STARD9: variants seen among roughly 807,000 people sequenced by gnomAD.
STARD9 encodes stAR-related lipid transfer protein 9.
STARD9 carries 346 observed loss-of-function variants against 399.8 expected under a neutral mutation model. The ratio of observed to expected loss-of-function variants is 0.87; its 90% CI spans 0.79 to 0.95. The LOEUF is 0.95. Ranked by LOEUF, STARD9 falls within the 40% of genes least tolerant of loss-of-function variation. STARD9 has a pLI of 0.00. For missense variants in STARD9, 5,832 were observed against 5,667.5 expected (o/e 1.03, Z -0.93); for synonymous variants, 2,203 against 2,143.5 (o/e 1.03, Z -0.77).
intron 9 of STARD9, among the ~76,000 whole-genome samples, chr15:42,659,060 C>T (rs1279093222): frequency 6.6e-6 from 1 of 152,072 alleles, no homozygotes; most frequent in East Asian, 1.9e-4. Flanking sequence ...TTGCAGTGAG[C>T]CAAGATCGTG....
chr15:42,708,357 C>T (rs983944946), intron 26 of STARD9, among the ~76,000 whole-genome samples: 2 of 152,268 alleles, frequency 1.3e-5, no homozygotes, highest in South Asian at 2.1e-4. Flanking sequence ...AAAGTTTTAC[C>T]GGAATACAGT....
intron 3 of STARD9, among the ~76,000 whole-genome samples, chr15:42,600,556 G>A (rs1051864169): frequency 2.1e-5 from 3 of 145,304 alleles, no homozygotes; most frequent in Admixed American, 7.1e-5. Context: ...ACCAAGTTTC[G>A]CTCTTGTTGC....
intron 15 of STARD9, among the ~76,000 whole-genome samples, chr15:42,667,581 A>G (rs771942133): frequency 5.9e-5 from 9 of 151,828 alleles, no homozygotes; most frequent in Non-Finnish European, 7.4e-5. Flanking sequence ...TGCTGGGTTC[A>G]AGCAATTCTC....
At chr15:42,679,327 C>G (rs946801765) in intron 20 of STARD9, among the ~76,000 whole-genome samples, 1 of 152,204 alleles carries the variant, frequency 6.6e-6, no homozygotes, top group Non-Finnish European at 1.5e-5. Flanking sequence ...CAGTTGCTAT[C>G]CTGAGCCTCC....
At position 42,688,886 on chromosome 15, in the gene STARD9, C is replaced by A. The variant is rs555880240; in HGVS notation, c.7308C>A (p.Ile2436=). ...ESIPLGTEDR[I]SASTSPQDHG... ...TTCCTCTGGGGACAGAGGACAGGAT[C>A]TCAGCAAGCACCAGCCCCCAAGACC... The change falls in exon 23 of 33, where the codon ATC becomes ATA. Residue 2436 remains isoleucine, a synonymous_variant. Coordinates refer to ENST00000290607, the MANE Select transcript of STARD9 (RefSeq NM_020759.3). The A allele has an allele frequency of 2.5e-5, 39 of 1,537,314 alleles. No individual in the cohort carries two copies. In the African/African-American group the frequency reaches 4.0e-4, roughly 16 times the overall value.
intron 3 of STARD9, among the ~76,000 whole-genome samples, chr15:42,631,807 C>A (rs1410173868): frequency 6.6e-6 from 1 of 151,724 alleles, no homozygotes; most frequent in Non-Finnish European, 1.5e-5. Context: ...CTTAACCCAC[C>A]TTTCAGGAAG....
At position 42,665,840 on chromosome 15, in the gene STARD9, G is replaced by A. The variant is rs2060090424; in HGVS notation, c.1309G>A (p.Glu437Lys). Reference protein sequence around the residue: ...ENLKELVLQNELKIDQLTKDW... With the variant: ...ENLKELVLQNKLKIDQLTKDW... ...CCTGAAGGAGCTGGTTCTCCAAAATGAATTGAAGGTGGGTGTGTTGGGTGG... is the reference window on the plus strand; with the variant it reads ...CCTGAAGGAGCTGGTTCTCCAAAATAAATTGAAGGTGGGTGTGTTGGGTGG... Residue 437 changes from glutamate to lysine, a missense_variant, in exon 15 of 33, where the codon GAA becomes AAA. Transcript: ENST00000290607. 5.2e-6 allele frequency: 8 copies of A among 1,537,150 alleles called. No individual in the cohort carries two copies. Among genetic ancestry groups the A allele is most frequent in the South Asian group, 1.2e-5 (1 of 84,058 alleles).
chr15:42,665,366 G>A (rs2060076709), intron 14 of STARD9, 36 bp downstream of exon 14: 1 of 1,496,150 alleles, frequency 6.7e-7, no homozygotes, highest in Non-Finnish European at 9.0e-7. Flanking sequence ...GTACTTAAGT[G>A]AAATTCTCCT....
chr15:42,585,071 A>C (rs934375918), intron 2 of STARD9, among the ~76,000 whole-genome samples: 5 of 152,236 alleles, frequency 3.3e-5, no homozygotes, highest in Non-Finnish European at 7.3e-5. Flanking sequence ...AGTGTATATG[A>C]AACATAAAAG....
chr15:42,589,159 A>G (rs1464484005), intron 3 of STARD9, among the ~76,000 whole-genome samples: 1 of 152,046 alleles, frequency 6.6e-6, no homozygotes, highest in African/African-American at 2.4e-5. Context: ...GGGTCAGTCT[A>G]TTGAAGTATA....
At chr15:42,680,410 G>C (rs949049729) in intron 20 of STARD9, among the ~76,000 whole-genome samples, 3 of 151,960 alleles carry the variant, frequency 2.0e-5, no homozygotes, top group Non-Finnish European at 4.4e-5. Context: ...GACCAGCCTG[G>C]CCAACATGGT....
At position 42,635,123 on chromosome 15, in the gene STARD9, C is replaced by G. The variant is rs556687713; in HGVS notation, c.351+151C>G. ...TCTTCTGTTTTAAGAATGAGTTTTT[C>G]GGCTGGGCGCAGTGGCTCACGCCTG... On this transcript the variant is annotated intron_variant, in intron 4 of 32. Coordinates refer to ENST00000290607, the MANE Select transcript of STARD9 (RefSeq NM_020759.3). 4.6e-5 allele frequency among the ~76,000 whole-genome samples: 7 copies of G among 151,892 alleles called. No homozygotes were observed. The East Asian group carries it at 1.4e-3, about 30-fold the overall frequency.
At chr15:42,664,915 A>C (rs1219710648) in intron 13 of STARD9, among the ~76,000 whole-genome samples, 2 of 152,140 alleles carry the variant, frequency 1.3e-5, no homozygotes, top group African/African-American at 4.8e-5. Flanking sequence ...CTACCTATAC[A>C]TGCCCTGGCT....
chr15:42,661,159 C>T lies in STARD9; in HGVS notation c.704C>T (p.Ala235Val), dbSNP rs2059986142. The T allele has an allele frequency of 2.0e-6, 3 of 1,534,872 alleles. No homozygotes were observed. The highest frequency in any genetic ancestry group is 1.2e-5 in the South Asian group (1 of 84,018). The change falls in exon 10 of 33, where the codon GCA becomes GTA. Residue 235 changes from alanine (A) to valine (V), a missense_variant and splice_region_variant. Coordinates refer to ENST00000290607, the MANE Select transcript of STARD9 (RefSeq NM_020759.3). ...GGCTTTAAATGTTTTCTCCTCTAGG[C>T]AATCCTGGAGAACAACCTCCCTTCT... ...HAIFTIHYTQ[A>V]ILENNLPSEM...
chr15:42,589,607 CTTT>C (rs754803358), intron 3 of STARD9, among the ~76,000 whole-genome samples: 3 of 140,096 alleles, frequency 2.1e-5, no homozygotes, highest in Non-Finnish European at 1.6e-5. Context: ...TGAGATTCAT[CTTT>C]TTTTTTTTTT....
Position 42,690,553 on chromosome 15 carries a change from A to G in STARD9, c.8975A>G (p.His2992Arg), listed in dbSNP as rs746274731. The change falls in exon 23 of 33, where the codon CAT becomes CGT. Residue 2992 changes from histidine (H) to arginine (R), a missense_variant. Coordinates refer to ENST00000290607, the MANE Select transcript of STARD9 (RefSeq NM_020759.3). Reference sequence around the variant, plus strand: ...AAGGAGCCTTTCAAGGCTGCCCCACATACTATCCACCCACCCTGTGTAGTA... The same window carrying G: ...AAGGAGCCTTTCAAGGCTGCCCCACGTACTATCCACCCACCCTGTGTAGTA... ...LGKEPFKAAP[H>R]TIHPPCVVPS... is the part of the protein sequence containing the mutation. The G allele has an allele frequency of 2.2e-5, 34 of 1,537,058 alleles. 1 individual carries two copies. In the South Asian group the frequency reaches 3.2e-4, roughly 15 times the overall value.
At chr15:42,578,510 G>A (rs1278148381) in intron 1 of STARD9, among the ~76,000 whole-genome samples, 2 of 152,028 alleles carry the variant, frequency 1.3e-5, no homozygotes, top group African/African-American at 4.8e-5. Flanking sequence ...TGAAATTGCT[G>A]CCCTTTGTCT....
intron 26 of STARD9, among the ~76,000 whole-genome samples, chr15:42,700,268 C>T (rs2060938139): frequency 6.6e-6 from 1 of 151,382 alleles, no homozygotes; most frequent in South Asian, 2.1e-4. Context: ...CTTTGACATA[C>T]TGATTTCATT....
intron 3 of STARD9, among the ~76,000 whole-genome samples, chr15:42,594,768 C>T (rs2058471291): frequency 6.6e-6 from 1 of 152,116 alleles, no homozygotes; most frequent in African/African-American, 2.4e-5. Context: ...GGTAATGTGC[C>T]ACTAGCAGAA....
Sources: allele counts gnomAD v4.1 joint callset (sites outside exome capture counted in the v4.1 genomes callset), GRCh38; gene constraint gnomAD v4.1.1; transcripts MANE v1.5; gene names NCBI Gene and HGNC (gene_info 2026-07-23, HGNC 2026-07-21).